SLC35F3: variants seen among roughly 807,000 people sequenced by gnomAD.
The protein encoded by SLC35F3 is solute carrier family 35 member F3.
Under a neutral mutation model 49.9 loss-of-function variants are expected in SLC35F3, and 25 were observed. The observed-to-expected ratio is 0.50, with a 90% CI of 0.37 to 0.70. The LOEUF (loss-of-function observed/expected upper bound fraction) is 0.70. Ranked by LOEUF, SLC35F3 falls within the 30% of genes least tolerant of loss-of-function variation. The pLI, the probability that SLC35F3 is intolerant of heterozygous loss-of-function variation, is 0.00. For missense variants in SLC35F3, 525 were observed against 639.8 expected, an observed-to-expected ratio of 0.82 and a Z score of 1.94; for synonymous variants, 275 against 265.4, an observed-to-expected ratio of 1.04 and a Z score of -0.35.
intron 2 of SLC35F3, among the ~76,000 whole-genome samples, chr1:234,115,305 G>A (rs1037304943): frequency 2.0e-5 from 3 of 152,154 alleles, no homozygotes; most frequent in African/African-American, 7.2e-5. Context: ...CCACACATCT[G>A]CCTATGCGTG....
intron 2 of SLC35F3, among the ~76,000 whole-genome samples, chr1:234,008,725 C>T (rs1334793619): frequency 6.6e-6 from 1 of 152,182 alleles, no homozygotes; most frequent in Non-Finnish European, 1.5e-5. Flanking sequence ...TTTGCTCATT[C>T]CTGTTTGTGT....
At chr1:234,066,699 C>G (rs889046099) in intron 2 of SLC35F3, among the ~76,000 whole-genome samples, 1 of 151,830 alleles carries the variant, frequency 6.6e-6, no homozygotes, top group Admixed American at 6.6e-5. Flanking sequence ...AGAAGCCAAC[C>G]TCTCTCTCTG....
chr1:234,024,698 T>C (rs1424882805), intron 2 of SLC35F3, among the ~76,000 whole-genome samples: 2 of 152,174 alleles, frequency 1.3e-5, no homozygotes, highest in Non-Finnish European at 1.5e-5. Flanking sequence ...CACTAACTCA[T>C]TGATCCATTA....
At chr1:234,266,759 T>C (rs2102971138) in intron 3 of SLC35F3, among the ~76,000 whole-genome samples, 1 of 152,178 alleles carries the variant, frequency 6.6e-6, no homozygotes, top group South Asian at 2.1e-4. Flanking sequence ...TATTTTTATA[T>C]CTAGACATAT....
At position 234,079,655 on chromosome 1, in the gene SLC35F3, T is replaced by C. The variant is rs1204261064; in HGVS notation, c.284-151762T>C. ...GATCAATAATCACCAATGAAATGTC[T>C]AACATCATTCATTATTAGGGAAATG... On this transcript the variant is annotated intron_variant, in intron 2 of 7. Transcript: ENST00000366618. 3.9e-5 allele frequency among the ~76,000 whole-genome samples: 6 copies of C among 152,208 alleles called. No individual in the cohort carries two copies. The East Asian group carries it at 9.6e-4, about 24-fold the overall frequency.
rs1438833349 is a variant in SLC35F3 at position 234,050,751 on chromosome 1, T to C, written c.283+144993T>C. On this transcript the variant is annotated intron_variant, in intron 2 of 7. Transcript: ENST00000366618. ...GAATGATATTGCCTAGGTTTTCTTA[T>C]AGGGTTTTTATGGTTTTAGGTCTAA... 4.6e-5 allele frequency among the ~76,000 whole-genome samples: 7 copies of C among 152,222 alleles called. No individual in the cohort carries two copies. In the South Asian group the frequency reaches 1.4e-3, roughly 31 times the overall value.
intron 2 of SLC35F3, among the ~76,000 whole-genome samples, chr1:234,019,982 C>T (rs1262402016): frequency 6.6e-6 from 1 of 152,076 alleles, no homozygotes; most frequent in Non-Finnish European, 1.5e-5. Flanking sequence ...GCAATGTGGC[C>T]TGATAACTGT....
chr1:234,227,027 AC>A (rs1667297002), intron 2 of SLC35F3, among the ~76,000 whole-genome samples: 1 of 151,872 alleles, frequency 6.6e-6, no homozygotes, highest in African/African-American at 2.4e-5. Flanking sequence ...ACTGGGATGA[AC>A]CCGCCTGTCC....
At chr1:234,169,547 G>T (rs1343128580) in intron 2 of SLC35F3, among the ~76,000 whole-genome samples, 3 of 152,178 alleles carry the variant, frequency 2.0e-5, no homozygotes, top group African/African-American at 7.2e-5. Context: ...GGAGTTTCTG[G>T]CTGTGATGCT....
At chr1:234,202,040 T>A (rs964669842) in intron 2 of SLC35F3, among the ~76,000 whole-genome samples, 1 of 151,978 alleles carries the variant, frequency 6.6e-6, no homozygotes. Context: ...CACCATGGAA[T>A]ACTATGCATA....
chr1:234,314,121 G>A (rs1657426011), intron 4 of SLC35F3, among the ~76,000 whole-genome samples: 3 of 152,164 alleles, frequency 2.0e-5, no homozygotes, highest in Non-Finnish European at 4.4e-5. Flanking sequence ...GGACCCCCAG[G>A]AGAAGGCTGG....
chr1:234,111,510 C>G (rs919074097), intron 2 of SLC35F3, among the ~76,000 whole-genome samples: 1 of 152,216 alleles, frequency 6.6e-6, no homozygotes, highest in Non-Finnish European at 1.5e-5. Flanking sequence ...CCAGGCTGGT[C>G]TCGAACTCCT....
intron 2 of SLC35F3, among the ~76,000 whole-genome samples, chr1:234,067,143 C>G (rs545703565): frequency 2.4e-4 from 36 of 151,006 alleles, no homozygotes; most frequent in African/African-American, 8.7e-4. Flanking sequence ...AAGTATATTG[C>G]AGAGGCAATT....
At chr1:234,134,083 T>C (rs1665773916) in intron 2 of SLC35F3, among the ~76,000 whole-genome samples, 1 of 152,192 alleles carries the variant, frequency 6.6e-6, no homozygotes, top group Admixed American at 6.5e-5. Context: ...TTTCAGATCA[T>C]GGAGAGCTTT....
intron 2 of SLC35F3, among the ~76,000 whole-genome samples, chr1:233,946,299 T>A (rs903647374): frequency 2.6e-5 from 4 of 152,148 alleles, no homozygotes; most frequent in Non-Finnish European, 5.9e-5. Flanking sequence ...CCCCACAAAT[T>A]CAGGATACAT....
chr1:234,163,473 G>C (rs745851645), intron 2 of SLC35F3, among the ~76,000 whole-genome samples: 1 of 152,206 alleles, frequency 6.6e-6, no homozygotes, highest in Non-Finnish European at 1.5e-5. Context: ...GAGTGAGTGA[G>C]TGAGTGAGAG....
chr1:233,933,356 T>A (rs1429978004), intron 2 of SLC35F3, among the ~76,000 whole-genome samples: 2 of 152,200 alleles, frequency 1.3e-5, no homozygotes, highest in African/African-American at 4.8e-5. Context: ...TTTTTAACTT[T>A]TTTTTTCTTA....
At chr1:234,254,021 C>T (rs904113788) in intron 3 of SLC35F3, among the ~76,000 whole-genome samples, 1 of 152,222 alleles carries the variant, frequency 6.6e-6, no homozygotes, top group Non-Finnish European at 1.5e-5. Flanking sequence ...CTCTGAACTT[C>T]ATCCATGTCC....
At chr1:234,301,636 C>T (rs1004606317) in intron 3 of SLC35F3, among the ~76,000 whole-genome samples, 2 of 152,162 alleles carry the variant, frequency 1.3e-5, no homozygotes, top group African/African-American at 4.8e-5. Flanking sequence ...TGCAGTAATT[C>T]CTCAAGGATC....
Sources: allele counts gnomAD v4.1 joint callset (sites outside exome capture counted in the v4.1 genomes callset), GRCh38; gene constraint gnomAD v4.1.1; transcripts MANE v1.5; gene names NCBI Gene and HGNC (gene_info 2026-07-23, HGNC 2026-07-21).